The following KITLG variants were observed in gnomAD, a reference collection of about 807,000 sequenced individuals.
KITLG encodes c-Kit ligand.
In KITLG, 13 loss-of-function variants were observed where a neutral mutation model predicts 34.1. That is an observed-to-expected ratio of 0.38 (90% confidence interval 0.25 to 0.61). The LOEUF is 0.61. Among genes scored for constraint, KITLG ranks in the 20% least tolerant of loss-of-function variants. The pLI is 0.60. For missense variants in KITLG, 292 were observed against 318.9 expected (o/e 0.92, Z 0.64); for synonymous variants, 110 against 104.0 (o/e 1.06, Z -0.35).
intron 4 of KITLG, among the ~76,000 whole-genome samples, chr12:88,517,770 A>T (rs1021555201): frequency 6.6e-6 from 1 of 152,144 alleles, no homozygotes; most frequent in Admixed American, 6.6e-5. Flanking sequence ...TTAGTATGGT[A>T]AGAATTATAA....
chr12:88,557,459 A>G (rs990651950), intron 1 of KITLG, among the ~76,000 whole-genome samples: 2 of 152,176 alleles, frequency 1.3e-5, no homozygotes, highest in African/African-American at 4.8e-5. Flanking sequence ...AGGGGAAAAA[A>G]ATCCCCTACA....
intron 1 of KITLG, among the ~76,000 whole-genome samples, chr12:88,567,957 G>A (rs1264686874): frequency 1.3e-5 from 2 of 152,182 alleles, no homozygotes; most frequent in African/African-American, 2.4e-5. Context: ...AAACTAATTT[G>A]AGGCTCATTT....
chr12:88,534,489 T>C (rs1306222291), intron 2 of KITLG, among the ~76,000 whole-genome samples: 1 of 152,020 alleles, frequency 6.6e-6, no homozygotes, highest in Non-Finnish European at 1.5e-5. Context: ...TCCTCGCATG[T>C]GTCAGCCTCT....
intron 1 of KITLG, among the ~76,000 whole-genome samples, chr12:88,567,084 CAT>C (rs1277692585): frequency 3.9e-5 from 6 of 152,326 alleles, no homozygotes; most frequent in South Asian, 4.1e-4. Context: ...AAAAATTACA[CAT>C]GTCAGTGTTT....
chr12:88,543,702 T>A (rs1870602905), intron 2 of KITLG, among the ~76,000 whole-genome samples: 1 of 152,140 alleles, frequency 6.6e-6, no homozygotes, highest in Non-Finnish European at 1.5e-5. Flanking sequence ...CATATCACCA[T>A]TAAAATTCCC....
chr12:88,544,046 G>A (rs966091510), intron 2 of KITLG, among the ~76,000 whole-genome samples: 3 of 152,138 alleles, frequency 2.0e-5, no homozygotes, highest in Admixed American at 6.6e-5. Context: ...CTAAGATAGT[G>A]ACTGATCTCA....
At chr12:88,549,227 A>G (rs983975756) in intron 1 of KITLG, among the ~76,000 whole-genome samples, 1 of 152,216 alleles carries the variant, frequency 6.6e-6, no homozygotes, top group African/African-American at 2.4e-5. Context: ...TTGCCCAGAC[A>G]TTGACTCTTA....
intron 1 of KITLG, among the ~76,000 whole-genome samples, chr12:88,568,208 C>T (rs1329906174): frequency 6.6e-6 from 1 of 152,106 alleles, no homozygotes; most frequent in Admixed American, 6.5e-5. Flanking sequence ...CTGGCATAAT[C>T]CATTCCCTAA....
intron 1 of KITLG, among the ~76,000 whole-genome samples, chr12:88,553,769 G>T (rs1405304478): frequency 6.6e-6 from 1 of 152,148 alleles, no homozygotes; most frequent in African/African-American, 2.4e-5. Flanking sequence ...TACAACCAAG[G>T]CATGCAGTAG....
chr12:88,563,633 T>G (rs530763960), intron 1 of KITLG, among the ~76,000 whole-genome samples: 1 of 152,220 alleles, frequency 6.6e-6, no homozygotes, highest in Non-Finnish European at 1.5e-5. Context: ...TCTAATACCA[T>G]TTTGATGTAG....
intron 2 of KITLG, among the ~76,000 whole-genome samples, chr12:88,533,411 A>G (rs1462561226): frequency 1.3e-5 from 2 of 152,242 alleles, no homozygotes; most frequent in East Asian, 1.9e-4. Flanking sequence ...CACTCAATCC[A>G]TGTTCTTTAC....
chr12:88,576,882 C>T (rs1871846664), intron 1 of KITLG, among the ~76,000 whole-genome samples: 1 of 151,824 alleles, frequency 6.6e-6, no homozygotes, highest in Non-Finnish European at 1.5e-5. Flanking sequence ...ATTTCAGTCA[C>T]CTATTATTAA....
chr12:88,533,663 G>T (rs945127618), intron 2 of KITLG, among the ~76,000 whole-genome samples: 1 of 152,098 alleles, frequency 6.6e-6, no homozygotes, highest in Non-Finnish European at 1.5e-5. Flanking sequence ...ATCTTGCTTT[G>T]TAGACTTATT....
chr12:88,516,602 A>C (rs1869467374), intron 4 of KITLG, 112 bp from the exon 5 acceptor site: 3 of 674,798 alleles, frequency 4.4e-6, no homozygotes, highest in Non-Finnish European at 7.4e-6. Flanking sequence ...GACTCTTACA[A>C]CTAGCACTTT....
At chr12:88,528,808 A>C (rs775944626) in intron 3 of KITLG, among the ~76,000 whole-genome samples, 1 of 152,242 alleles carries the variant, frequency 6.6e-6, no homozygotes, top group Non-Finnish European at 1.5e-5. Flanking sequence ...TAAACGGCAC[A>C]TGGGTGTTCT....
intron 8 of KITLG, 27 bp from the exon 9 acceptor site, chr12:88,505,262 A>T: frequency 6.3e-7 from 1 of 1,586,210 alleles, no homozygotes; most frequent in Non-Finnish European, 8.7e-7. Flanking sequence ...AAAAATGCTT[A>T]TTTGCTCTTG....
At chr12:88,536,876 C>T (rs1463716864) in intron 2 of KITLG, among the ~76,000 whole-genome samples, 1 of 152,006 alleles carries the variant, frequency 6.6e-6, no homozygotes, top group Non-Finnish European at 1.5e-5. Flanking sequence ...GGAGAAATAC[C>T]TAATGTAGGT....
intron 2 of KITLG, 92 bp downstream of exon 2, chr12:88,545,660 G>C: frequency 2.8e-6 from 2 of 724,854 alleles, no homozygotes; most frequent in South Asian, 1.8e-5. Flanking sequence ...CATTACTTTG[G>C]GGCAAGAAAA....
chr12:88,541,326 T>C (rs1348092643), intron 2 of KITLG, among the ~76,000 whole-genome samples: 1 of 152,100 alleles, frequency 6.6e-6, no homozygotes, highest in Non-Finnish European at 1.5e-5. Flanking sequence ...ATTTCACCTT[T>C]ACGAGATGGA....
Sources: gnomAD v4.1 joint callset for allele counts (sites outside exome capture counted in the v4.1 genomes callset) on GRCh38, gnomAD v4.1.1 for gene constraint, MANE v1.5 for transcripts, NCBI Gene and HGNC (gene_info 2026-07-23, HGNC 2026-07-21) for gene names.